PPP4R2: variants seen among roughly 807,000 people sequenced by gnomAD.
PPP4R2 encodes the protein protein phosphatase 4 regulatory subunit 2.
PPP4R2 carries 13 observed loss-of-function variants against 47.2 expected under a neutral mutation model. That is an observed-to-expected ratio of 0.28 (90% confidence interval 0.18 to 0.44). The LOEUF is 0.44. Ranked by LOEUF, PPP4R2 falls within the 20% of genes least tolerant of loss-of-function variation. PPP4R2 has a pLI of 1.00. For missense variants in PPP4R2, 421 were observed against 491.2 expected, an observed-to-expected ratio of 0.86 and a Z score of 1.35; for synonymous variants, 151 against 163.3, an observed-to-expected ratio of 0.92 and a Z score of 0.57.
chr3:73,067,566 T>A lies in PPP4R2; in HGVS notation c.*1844T>A, dbSNP rs892327277. ...TTAACCATTGTAAATTTTTAAAAAA[T>A]TTTTCAAAAATGTTAAAATGAGGCA... On this transcript the variant is annotated 3_prime_UTR_variant, in exon 9 of 9. Transcript: ENST00000356692. 44 of 152,138 alleles carry A rather than the reference T, an allele frequency of 2.9e-4. 1 individual carries two copies. Among genetic ancestry groups the A allele is most frequent in the Admixed American group, 2.8e-3 (43 of 15,266 alleles). 9.4% of individuals were successfully genotyped at this position (152,138 alleles called of 1,614,324 possible). A position where few individuals can be genotyped will look rare whatever the true frequency, so the allele number is the denominator to read the frequency against.
chr3:73,002,068 T>C (rs540672707), intron 2 of PPP4R2, among the ~76,000 whole-genome samples: 1 of 152,332 alleles, frequency 6.6e-6, no homozygotes, highest in South Asian at 2.1e-4. Flanking sequence ...AGATCCACTG[T>C]TGTAGCTCCC....
chr3:73,012,257 C>T (rs1033836889), intron 2 of PPP4R2, among the ~76,000 whole-genome samples: 3 of 152,108 alleles, frequency 2.0e-5, no homozygotes, highest in Non-Finnish European at 4.4e-5. Context: ...GAAGTAATGA[C>T]GAGAAATGTC....
intron 2 of PPP4R2, among the ~76,000 whole-genome samples, chr3:73,012,909 T>TC (rs1193114610): frequency 2.0e-5 from 3 of 151,810 alleles, no homozygotes; most frequent in Non-Finnish European, 1.5e-5. Context: ...AGGCTTTTTT[T>TC]TTTTTTTTTT....
At chr3:73,045,462 A>G (rs1702462308) in intron 2 of PPP4R2, among the ~76,000 whole-genome samples, 2 of 150,600 alleles carry the variant, frequency 1.3e-5, no homozygotes, top group African/African-American at 4.9e-5. Flanking sequence ...ACTGTCAGTT[A>G]TTTATCTTGA....
chr3:73,042,983 C>G (rs772555783), intron 2 of PPP4R2, among the ~76,000 whole-genome samples: 1 of 152,060 alleles, frequency 6.6e-6, no homozygotes, highest in Non-Finnish European at 1.5e-5. Context: ...TCTGGCTGTT[C>G]CCATTAATGT....
rs1473007509 is a variant in PPP4R2, at chr3:73,007,713, T to C, written c.116+9555T>C. On this transcript the variant is annotated intron_variant, in intron 2 of 8. Coordinates refer to ENST00000356692, the MANE Select transcript of PPP4R2 (RefSeq NM_174907.4). ...CATGTTGGCCAGGCTGGTCTCGAAC[T>C]CTTGACCTCAAGTGATCGACCCGTC... Among the ~76,000 whole-genome samples, 3 of 152,188 alleles carry C rather than the reference T, an allele frequency of 2.0e-5. 1 individual carries two copies. The highest frequency in any genetic ancestry group is 7.2e-5 in the African/African-American group (3 of 41,450).
chr3:73,034,071 T>C (rs1370822665), intron 2 of PPP4R2, among the ~76,000 whole-genome samples: 6 of 152,240 alleles, frequency 3.9e-5, no homozygotes, highest in Non-Finnish European at 8.8e-5. Context: ...TTGTTATTTT[T>C]CATTTTAGAA....
chr3:73,017,110 G>T (rs1701856602), intron 2 of PPP4R2, among the ~76,000 whole-genome samples: 1 of 151,898 alleles, frequency 6.6e-6, no homozygotes, highest in South Asian at 2.1e-4. Flanking sequence ...ATAGAGAATG[G>T]GATATGGCCT....
intron 4 of PPP4R2, among the ~76,000 whole-genome samples, chr3:73,060,218 T>G (rs1702823906): frequency 6.6e-6 from 1 of 152,218 alleles, no homozygotes; most frequent in South Asian, 2.1e-4. Context: ...ACTGGATTAA[T>G]ATATTTTGTT....
At chr3:73,053,868 C>T (rs1702671472) in intron 3 of PPP4R2, among the ~76,000 whole-genome samples, 1 of 145,094 alleles carries the variant, frequency 6.9e-6, no homozygotes, top group Non-Finnish European at 1.5e-5. Flanking sequence ...GAGATGGTGC[C>T]ACTGCACTCC....
rs997815494 is a variant in PPP4R2, at chr3:73,066,004, T to G, written c.*282T>G. ...ATTTTTTTTTTTTTTTAATTTAGGA[T>G]TGAAGTTTTTAAACTGGAAAGTAAT... On this transcript the variant is annotated 3_prime_UTR_variant, in exon 9 of 9. Transcript: ENST00000356692. 48 of 190,624 alleles carry G rather than the reference T, an allele frequency of 2.5e-4. No individual in the cohort carries two copies. In the Middle Eastern group the frequency reaches 5.6e-3, roughly 22 times the overall value. The allele number at this position is 190,624 out of a possible 1,614,324, so 11.8% of individuals were successfully genotyped here.
At position 73,068,537 on chromosome 3, in the gene PPP4R2, G is replaced by A. The variant is rs1703046921; in HGVS notation, c.*2815G>A. ...TATTAGATAAATTTAACCTGCTTAG[G>A]GTTTATTGTAACTACACCTTTCAGA... On this transcript the variant is annotated 3_prime_UTR_variant, in exon 9 of 9. Coordinates refer to ENST00000356692, the MANE Select transcript of PPP4R2 (RefSeq NM_174907.4). The A allele has an allele frequency of 6.6e-6, 1 of 152,144 alleles. No individual in the cohort carries two copies. Among genetic ancestry groups the A allele is most frequent in the East Asian group, 1.9e-4 (1 of 5,192 alleles). 9.4% of individuals were successfully genotyped at this position (152,144 alleles called of 1,614,324 possible).
At chr3:73,005,459 G>A (rs549587829) in intron 2 of PPP4R2, among the ~76,000 whole-genome samples, 40 of 150,888 alleles carry the variant, frequency 2.7e-4, no homozygotes, top group African/African-American at 9.2e-4. Flanking sequence ...TGGTTTTTTT[G>A]TTGGGGAGGG....
chr3:73,040,115 A>C (rs1436382938), intron 2 of PPP4R2, among the ~76,000 whole-genome samples: 1 of 152,216 alleles, frequency 6.6e-6, no homozygotes, highest in Non-Finnish European at 1.5e-5. Context: ...GAGGGATTGC[A>C]AAGGACCTGT....
intron 5 of PPP4R2, chr3:73,063,262 G>GT: frequency 3.6e-6 from 1 of 279,762 alleles, no homozygotes; most frequent in Middle Eastern, 1.2e-3. Flanking sequence ...TGAGGGGGGA[G>GT]TGTTGGGTGG....
At chr3:73,055,255 G>A (rs1702706265) in intron 3 of PPP4R2, among the ~76,000 whole-genome samples, 1 of 152,004 alleles carries the variant, frequency 6.6e-6, no homozygotes, top group African/African-American at 2.4e-5. Flanking sequence ...AATATTTTAG[G>A]CACTGTTAGG....
chr3:73,048,602 G>T (rs1702539679), intron 3 of PPP4R2, among the ~76,000 whole-genome samples: 1 of 152,204 alleles, frequency 6.6e-6, no homozygotes, highest in Admixed American at 6.5e-5. Flanking sequence ...AGAAGTGTTT[G>T]TGAAGTTGAA....
chr3:73,014,928 C>T (rs1007617009), intron 2 of PPP4R2: 1 of 680,820 alleles, frequency 1.5e-6, no homozygotes, highest in Admixed American at 2.1e-5. Flanking sequence ...GGCCTCGAAA[C>T]CCTGGCCTCA....
chr3:73,031,157 T>C (rs767901230), intron 2 of PPP4R2, among the ~76,000 whole-genome samples: 13 of 152,182 alleles, frequency 8.5e-5, no homozygotes, highest in Non-Finnish European at 1.6e-4. Context: ...GTCTTTTAGC[T>C]CATCAAGAAC....
Sources: allele counts gnomAD v4.1 joint callset (sites outside exome capture counted in the v4.1 genomes callset), GRCh38; gene constraint gnomAD v4.1.1; transcripts MANE v1.5; gene names NCBI Gene and HGNC (gene_info 2026-07-23, HGNC 2026-07-21).